The following NRG3 variants were observed in gnomAD, a reference collection of about 807,000 sequenced individuals.
The protein encoded by NRG3 is neuregulin 3.
Under a neutral mutation model 66.9 loss-of-function variants are expected in NRG3, and 31 were observed. The ratio of observed to expected loss-of-function variants is 0.46; its 90% CI spans 0.35 to 0.63. The LOEUF is 0.63. Among genes scored for constraint, NRG3 ranks in the 20% least tolerant of loss-of-function variants. The pLI is 0.00. For synonymous variants in NRG3, 393 were observed against 359.4 expected, an observed-to-expected ratio of 1.09 and a Z score of -1.06; for missense variants, 910 against 878.9, an observed-to-expected ratio of 1.04 and a Z score of -0.45.
intron 2 of NRG3, among the ~76,000 whole-genome samples, chr10:82,514,866 G>T (rs1845507544): frequency 6.6e-6 from 1 of 152,082 alleles, no homozygotes; most frequent in Admixed American, 6.6e-5. Flanking sequence ...GTGGATACTT[G>T]TGTTGTTTCC....
At position 82,938,515 on chromosome 10, in the gene NRG3, C is replaced by T. The variant is rs187117086; in HGVS notation, c.1055-12954C>T. Among the ~76,000 whole-genome samples the T allele has an allele frequency of 1.2e-3, 180 of 152,350 alleles. 3 individuals are homozygous for T. The highest frequency in any genetic ancestry group is 4.0e-3 in the African/African-American group (165 of 41,584). ...AAATAGCCACAGGGCTCTCAGCCTGCGCACCTATGCAAAGAGCTGACTTTG... is the reference window on the plus strand; with the variant it reads ...AAATAGCCACAGGGCTCTCAGCCTGTGCACCTATGCAAAGAGCTGACTTTG... On this transcript the variant is annotated intron_variant, in intron 4 of 8. Coordinates refer to ENST00000372141, the MANE Select transcript of NRG3 (RefSeq NM_001010848.4).
chr10:82,863,229 A>T (rs1282576687), intron 3 of NRG3, among the ~76,000 whole-genome samples: 1 of 152,194 alleles, frequency 6.6e-6, no homozygotes, highest in Non-Finnish European at 1.5e-5. Context: ...TATGGTGTAT[A>T]TGTGCCACAT....
chr10:82,018,293 C>T (rs934483454), intron 1 of NRG3, among the ~76,000 whole-genome samples: 3 of 152,010 alleles, frequency 2.0e-5, no homozygotes, highest in African/African-American at 7.2e-5. Flanking sequence ...CATTGGTCTA[C>T]ATCTCTCTTT....
At position 82,677,752 on chromosome 10, in the gene NRG3, A is replaced by G. The variant is rs1223393964; in HGVS notation, c.954-60825A>G. ...GGTTTTAGAGCAGGAATAAAAGTTT[A>G]TTAAAAAGTTTTAGAGCAAGAATGA... On this transcript the variant is annotated intron_variant, in intron 2 of 8. Transcript: ENST00000372141. Among the ~76,000 whole-genome samples, 11 of 152,302 alleles carry G rather than the reference A, an allele frequency of 7.2e-5. No homozygotes were observed. In the East Asian group the frequency reaches 2.1e-3, roughly 29 times the overall value.
In NRG3 at chr10:81,930,651, G is replaced by C. The variant is rs542338831; in HGVS notation, c.823+54488G>C. Among the ~76,000 whole-genome samples the C allele has an allele frequency of 4.6e-5, 7 of 152,310 alleles. No individual in the cohort carries two copies. The East Asian group carries it at 1.3e-3, about 29-fold the overall frequency. ...TTGTCCCAAGGTAGGAGAACACCGGGAATATTCTCCAAAGCAGTGTCTCCC... is the reference window on the plus strand; with the variant it reads ...TTGTCCCAAGGTAGGAGAACACCGGCAATATTCTCCAAAGCAGTGTCTCCC... On this transcript the variant is annotated intron_variant, in intron 1 of 8. Transcript: ENST00000372141.
At chr10:82,621,905 G>A (rs929410467) in intron 2 of NRG3, among the ~76,000 whole-genome samples, 12 of 152,140 alleles carry the variant, frequency 7.9e-5, no homozygotes, top group South Asian at 2.1e-4. Context: ...GGTAGATAAC[G>A]TAGAAACCAT....
rs61249173 is a variant in NRG3, at chr10:82,767,873, TTC to T, written c.1027+29248_1027+29249del. Among the ~76,000 whole-genome samples, 496 of 146,334 alleles carry T rather than the reference TTC, an allele frequency of 3.4e-3. 2 individuals carry two copies. Among genetic ancestry groups the T allele is most frequent in the Middle Eastern group, 7.1e-3 (2 of 280 alleles). On this transcript the variant is annotated intron_variant, in intron 3 of 8. Coordinates refer to ENST00000372141, the MANE Select transcript of NRG3 (RefSeq NM_001010848.4). ...TCTTATTTTCTATGAATTATCTCTGTTCTCTCTCTCTCTCTCTCTCTCTCTCA... is the reference window on the plus strand; with the variant it reads ...TCTTATTTTCTATGAATTATCTCTGTTCTCTCTCTCTCTCTCTCTCTCTCA...
chr10:82,666,133 C>T (rs41409044), intron 2 of NRG3, among the ~76,000 whole-genome samples: 3,917 of 152,216 alleles, frequency 0.026, 193 homozygotes, highest in African/African-American at 0.089. Context: ...ATGGCTACTA[C>T]TTCTTTACAG....
chr10:82,644,292 C>T (rs2050787062), intron 2 of NRG3, among the ~76,000 whole-genome samples: 1 of 152,102 alleles, frequency 6.6e-6, no homozygotes, highest in East Asian at 1.9e-4. Context: ...GTTTTCCTCT[C>T]TATCTGCATA....
At chr10:82,286,834 C>G (rs923083956) in intron 1 of NRG3, among the ~76,000 whole-genome samples, 1 of 152,174 alleles carries the variant, frequency 6.6e-6, no homozygotes, top group Non-Finnish European at 1.5e-5. Flanking sequence ...GATCTGCCCA[C>G]CTCGGCCTTC....
Position 82,986,581 on chromosome 10 carries a change from G to A in NRG3, c.*976G>A, listed in dbSNP as rs1035329096. ...TTTAAATTTTTCCATTAAGTATAAAGTTCAGTTAGTTCTTAAATCAAGGTC... is the reference window on the plus strand; with the variant it reads ...TTTAAATTTTTCCATTAAGTATAAAATTCAGTTAGTTCTTAAATCAAGGTC... On this transcript the variant is annotated 3_prime_UTR_variant, in exon 9 of 9. Coordinates refer to ENST00000372141, the MANE Select transcript of NRG3 (RefSeq NM_001010848.4). 2.0e-5 allele frequency: 3 copies of A among 152,148 alleles called. No individual in the cohort carries two copies. The highest frequency in any genetic ancestry group is 1.3e-4 in the Admixed American group (2 of 15,280). The allele number at this position is 152,148 out of a possible 1,614,324, so 9.4% of individuals were successfully genotyped here. A position where few individuals can be genotyped will look rare whatever the true frequency, so the allele number is the denominator to read the frequency against.
chr10:82,695,796 C>T (rs1280263027), intron 2 of NRG3, among the ~76,000 whole-genome samples: 1 of 152,058 alleles, frequency 6.6e-6, no homozygotes, highest in Non-Finnish European at 1.5e-5. Context: ...GATCACGTGT[C>T]CACCATTTTA....
intron 1 of NRG3, among the ~76,000 whole-genome samples, chr10:82,127,005 GA>G (rs2068490893): frequency 1.3e-5 from 2 of 152,046 alleles, no homozygotes; most frequent in Non-Finnish European, 2.9e-5. Flanking sequence ...GCATTCTCAT[GA>G]CTATGGTGAG....
chr10:82,694,441 TG>T (rs2055210731), intron 2 of NRG3, among the ~76,000 whole-genome samples: 2 of 152,336 alleles, frequency 1.3e-5, no homozygotes, highest in African/African-American at 4.8e-5. Context: ...TTTGTGTGTG[TG>T]TTTGTGTATT....
chr10:81,944,722 G>A (rs1392655116), intron 1 of NRG3, among the ~76,000 whole-genome samples: 3 of 152,064 alleles, frequency 2.0e-5, no homozygotes, highest in Non-Finnish European at 4.4e-5. Flanking sequence ...GTGAGTCAGA[G>A]GGAGTCAATT....
At chr10:82,198,158 G>A (rs2074545216) in intron 1 of NRG3, among the ~76,000 whole-genome samples, 1 of 152,074 alleles carries the variant, frequency 6.6e-6, no homozygotes, top group South Asian at 2.1e-4. Flanking sequence ...AAAAATATGG[G>A]GACGGAAACA....
intron 2 of NRG3, among the ~76,000 whole-genome samples, chr10:82,580,210 C>T (rs2046274742): frequency 6.6e-6 from 1 of 151,856 alleles, no homozygotes; most frequent in Non-Finnish European, 1.5e-5. Context: ...AAGCCTACTG[C>T]ATCATGTTTA....
At chr10:82,726,237 C>T (rs982924907) in intron 2 of NRG3, among the ~76,000 whole-genome samples, 1 of 152,158 alleles carries the variant, frequency 6.6e-6, no homozygotes, top group Non-Finnish European at 1.5e-5. Context: ...TATACAGTAA[C>T]TTTAGGATGT....
intron 2 of NRG3, among the ~76,000 whole-genome samples, chr10:82,466,994 T>G (rs1840747697): frequency 6.6e-6 from 1 of 152,088 alleles, no homozygotes. Context: ...ACAAAGAGCT[T>G]CAAGGATGTG....
Sources: gnomAD v4.1 joint callset for allele counts (sites outside exome capture counted in the v4.1 genomes callset) on GRCh38, gnomAD v4.1.1 for gene constraint, MANE v1.5 for transcripts, NCBI Gene and HGNC (gene_info 2026-07-23, HGNC 2026-07-21) for gene names.